The following ARPC1B variants were observed in gnomAD, a reference collection of about 807,000 sequenced individuals.
ARPC1B encodes actin-related protein 2/3 complex subunit 1B.
A neutral mutation model predicts 46.0 loss-of-function variants in ARPC1B; 29 were observed. That is an observed-to-expected ratio of 0.63 (90% CI 0.47 to 0.86). The LOEUF is 0.86. ARPC1B is among the 40% of genes least tolerant of loss of function. The probability of loss-of-function intolerance (pLI) is 0.00; values close to 1 mark genes in which losing one functional copy is unlikely to be tolerated. For synonymous variants in ARPC1B, 201 were observed against 213.9 expected (o/e 0.94, Z 0.53); for missense variants, 469 against 529.4 (o/e 0.89, Z 1.12).
chr7:99,382,212 C>T (rs908472131), intron 1 of ARPC1B, among the ~76,000 whole-genome samples: 2 of 151,838 alleles, frequency 1.3e-5, no homozygotes, highest in African/African-American at 2.4e-5. Context: ...CCGAGGCGGG[C>T]GGATCACTTG....
At chr7:99,392,399 G>A (rs1008720440) in intron 7 of ARPC1B, among the ~76,000 whole-genome samples, 4 of 152,230 alleles carry the variant, frequency 2.6e-5, no homozygotes, top group Admixed American at 2.6e-4. Context: ...AACAGCTGCA[G>A]GGGTCTCCCC....
chr7:99,393,141 G>A lies in ARPC1B; in HGVS notation c.989+265G>A, dbSNP rs944112371. On this transcript the variant is annotated intron_variant, in intron 8 of 9. Transcript: ENST00000646101. ...CTAAAACCGCGTGGGGCGGAGGCCG[G>A]CAGAGGTCGCGTAGCGGGCCCAGGG... 3.3e-5 allele frequency among the ~76,000 whole-genome samples: 5 copies of A among 152,350 alleles called. No individual in the cohort carries two copies. The East Asian group carries it at 9.6e-4, about 29-fold the overall frequency.
intron 1 of ARPC1B, among the ~76,000 whole-genome samples, chr7:99,382,273 A>G (rs1437880727): frequency 7.9e-5 from 12 of 152,066 alleles, no homozygotes; most frequent in Non-Finnish European, 2.9e-5. Flanking sequence ...CCCTGTCTCT[A>G]CTAAAAATAT....
At chr7:99,379,411 G>T (rs1794141173) in intron 1 of ARPC1B, among the ~76,000 whole-genome samples, 1 of 152,152 alleles carries the variant, frequency 6.6e-6, no homozygotes, top group Admixed American at 6.6e-5. Context: ...GCTTAGCACG[G>T]TGCAAATTAG....
chr7:99,383,606 G>A (rs953566289), intron 1 of ARPC1B, among the ~76,000 whole-genome samples: 20 of 152,200 alleles, frequency 1.3e-4, no homozygotes, highest in South Asian at 2.1e-4. Flanking sequence ...GTGCCGGACC[G>A]TGGAAGGTGC....
In ARPC1B at chr7:99,394,809, T is replaced by C. The variant is rs1488931994; in HGVS notation, c.*320T>C. On this transcript the variant is annotated 3_prime_UTR_variant, in exon 10 of 10. Coordinates refer to ENST00000646101, the MANE Select transcript of ARPC1B (RefSeq NM_005720.4). ...AAAAAAAAAAAAAAAAAAGTAATTA[T>C]GGACATGCTTGCCTATGTGGAAGGA... is the stretch of plus-strand genomic sequence containing the variant. The C allele has an allele frequency of 2.5e-6, 3 of 1,217,402 alleles. No individual in the cohort carries two copies. Among genetic ancestry groups the C allele is most frequent in the Non-Finnish European group, 2.0e-6 (2 of 976,418 alleles). 75.4% of individuals were successfully genotyped at this position (1,217,402 alleles called of 1,614,324 possible).
chr7:99,379,476 C>T (rs1047456920), intron 1 of ARPC1B, among the ~76,000 whole-genome samples: 2 of 152,136 alleles, frequency 1.3e-5, no homozygotes, highest in African/African-American at 2.4e-5. Context: ...CTTCCCAGAG[C>T]GCCTGTAATG....
At chr7:99,375,604 C>T (rs1244087898) in intron 1 of ARPC1B, among the ~76,000 whole-genome samples, 1 of 152,196 alleles carries the variant, frequency 6.6e-6, no homozygotes, top group Non-Finnish European at 1.5e-5. Context: ...CCTGCCTCCT[C>T]TGCCAATGCA....
intron 7 of ARPC1B, 124 bp downstream of exon 7, chr7:99,391,377 A>G (rs1794567142): frequency 1.9e-6 from 2 of 1,027,810 alleles, no homozygotes; most frequent in South Asian, 1.5e-5. Flanking sequence ...GCATTCTCTC[A>G]TGTACCAGAA....
At chr7:99,390,121 C>A in intron 5 of ARPC1B, 109 bp downstream of exon 5, 2 of 954,820 alleles carry the variant, frequency 2.1e-6, no homozygotes, top group South Asian at 1.5e-5. Context: ...AGACACATTC[C>A]AGACCTGCTA....
Position 99,385,733 on chromosome 7 carries a change from C to G in ARPC1B, c.19C>G (p.Leu7Val). The part of the protein sequence containing the change: MAYHSF[L>V]VEPISCHAWN... ...AGCCGCCATGGCCTACCACAGCTTC[C>G]TGGTGGAGCCCATCAGCTGCCACGC... The change falls in exon 2 of 10, where the codon CTG (leucine) becomes GTG (valine). Residue 7 changes from leucine to valine, a missense_variant. Physicochemically the swap from Leu to Val is conservative, Grantham distance 32 (BLOSUM62 1). Transcript: ENST00000646101. 1 of 1,611,202 alleles carries G rather than the reference C, an allele frequency of 6.2e-7. No individual in the cohort carries two copies. The highest frequency in any genetic ancestry group is 1.3e-5 in the African/African-American group (1 of 75,042).
Position 99,391,166 on chromosome 7 carries a change from C to G in ARPC1B, c.708-12C>G. ...GAGTGGGACACCGTGACTCACAGCT[C>G]TCTCCCCTCAGCGTCGCGACTCTGG... On this transcript the variant is annotated splice_polypyrimidine_tract_variant and intron_variant, in intron 6 of 9. Coordinates refer to ENST00000646101, the MANE Select transcript of ARPC1B (RefSeq NM_005720.4). 1.2e-6 allele frequency: 2 copies of G among 1,613,872 alleles called. No homozygotes were observed. Among genetic ancestry groups the G allele is most frequent in the Non-Finnish European group, 8.5e-7 (1 of 1,179,886 alleles).
rs1406511975 is a variant in ARPC1B at position 99,392,709 on chromosome 7, C to T, written c.822C>T (p.Ala274=). Residue 274 remains alanine (A), a synonymous_variant, in exon 8 of 10, where the codon GCC becomes GCT. Transcript: ENST00000646101. ...DCFPVLFTYD[A]AAGMLSFGGR... ...TCCCGGTGCTGTTCACCTATGACGCCGCCGCGGGGATGCTGAGCTTCGGCG... is the reference window on the plus strand; with the variant it reads ...TCCCGGTGCTGTTCACCTATGACGCTGCCGCGGGGATGCTGAGCTTCGGCG... The T allele has an allele frequency of 3.2e-6, 5 of 1,546,364 alleles. No individual in the cohort carries two copies. Among genetic ancestry groups the T allele is most frequent in the African/African-American group, 1.4e-5 (1 of 72,950 alleles).
intron 1 of ARPC1B, 131 bp from the exon 2 acceptor site, chr7:99,385,571 A>T: frequency 1.3e-6 from 1 of 744,188 alleles, no homozygotes; most frequent in Non-Finnish European, 2.2e-6. Context: ...CCTCTCTGCA[A>T]ACTGCTGCCC....
chr7:99,394,096 G>A lies in ARPC1B; in HGVS notation c.1057G>A (p.Gly353Ser), dbSNP rs1405665964. The A allele has an allele frequency of 1.1e-5, 18 of 1,613,638 alleles. 1 individual carries two copies. Among genetic ancestry groups the A allele is most frequent in the Middle Eastern group, 3.3e-4 (2 of 6,062 alleles). ...GTTCTGCACCACTGGCATGGATGGC[G>A]GCATGAGTATCTGGGATGTGAAGGT... is the stretch of plus-strand genomic sequence containing the variant. ...SQFCTTGMDG[G>S]MSIWDVKSLE... Residue 353 changes from glycine (G) to serine (S), a missense_variant, in exon 9 of 10, where the codon GGC becomes AGC. Coordinates refer to ENST00000646101, the MANE Select transcript of ARPC1B (RefSeq NM_005720.4).
intron 8 of ARPC1B, among the ~76,000 whole-genome samples, chr7:99,393,601 G>A (rs1184540552): frequency 1.3e-5 from 2 of 152,130 alleles, no homozygotes; most frequent in Non-Finnish European, 2.9e-5. Context: ...ACCCCGCGGC[G>A]AATCAGAGGG....
intron 1 of ARPC1B, among the ~76,000 whole-genome samples, chr7:99,378,130 G>A (rs1476038940): frequency 6.6e-6 from 1 of 151,966 alleles, no homozygotes; most frequent in Non-Finnish European, 1.5e-5. Context: ...CGAGATCTCG[G>A]CTCACTGCAA....
chr7:99,383,789 C>G (rs1039139892), intron 1 of ARPC1B, among the ~76,000 whole-genome samples: 2 of 152,164 alleles, frequency 1.3e-5, no homozygotes, highest in African/African-American at 4.8e-5. Flanking sequence ...CCAGGATTGG[C>G]CTCTGGTTGG....
Position 99,388,125 on chromosome 7 carries a change from T to C in ARPC1B, c.256T>C (p.Trp86Arg). Residue 86 changes from tryptophan to arginine, a missense_variant, in exon 4 of 10, where the codon TGG becomes CGG. By Grantham distance (101) the Trp-to-Arg change is moderately radical. Transcript: ENST00000646101. ...AYVWTLKGRTWKPTLVILRIN... is the reference protein window; with the variant it reads ...AYVWTLKGRTRKPTLVILRIN... The stretch of plus-strand genomic sequence containing the variant: ...CGTGTGGACGCTGAAGGGCCGCACA[T>C]GGAAGCCCACGCTGGTCATCCTGCG... The C allele has an allele frequency of 6.2e-7, 1 of 1,614,098 alleles. No homozygotes were observed. The highest frequency in any genetic ancestry group is 8.5e-7 in the Non-Finnish European group (1 of 1,180,008).
Sources: allele counts gnomAD v4.1 joint callset (sites outside exome capture counted in the v4.1 genomes callset), GRCh38; gene constraint gnomAD v4.1.1; transcripts MANE v1.5; gene names NCBI Gene and HGNC (gene_info 2026-07-23, HGNC 2026-07-21).